The following DTNBP1 variants were observed in gnomAD, a reference collection of about 807,000 sequenced individuals.
The protein encoded by DTNBP1 is dysbindin.
A neutral mutation model predicts 42.8 loss-of-function variants in DTNBP1; 35 were observed. The ratio of observed to expected loss-of-function variants is 0.82; its 90% confidence interval spans 0.63 to 1.09. The LOEUF is 1.09. Ranked by LOEUF, DTNBP1 falls within the 50% of genes least tolerant of loss-of-function variation. The pLI is 0.00. For missense variants in DTNBP1, 457 were observed against 424.2 expected (o/e 1.08, Z -0.68); for synonymous variants, 171 against 162.2 (o/e 1.05, Z -0.41).
At chr6:15,577,735 C>G (rs1775642625) in intron 7 of DTNBP1, among the ~76,000 whole-genome samples, 1 of 152,032 alleles carries the variant, frequency 6.6e-6, no homozygotes, top group Admixed American at 6.6e-5. Flanking sequence ...AGGGGTGAGG[C>G]CAGGATTGGA....
intron 7 of DTNBP1, among the ~76,000 whole-genome samples, chr6:15,562,937 A>G (rs532246301): frequency 6.6e-6 from 1 of 152,308 alleles, no homozygotes; most frequent in East Asian, 1.9e-4. Flanking sequence ...ATTTTTCTAG[A>G]AAGCAAATCT....
At chr6:15,575,754 G>A (rs574937978) in intron 7 of DTNBP1, among the ~76,000 whole-genome samples, 12 of 152,332 alleles carry the variant, frequency 7.9e-5, no homozygotes, top group African/African-American at 2.6e-4. Flanking sequence ...TTAATAGGAT[G>A]AATAGATGTG....
At chr6:15,523,764 T>G (rs1163360846) in intron 9 of DTNBP1, 1 of 1,287,222 alleles carries the variant, frequency 7.8e-7, no homozygotes, top group South Asian at 1.2e-5. Context: ...TATTCTGGCC[T>G]TCTCAGGATG....
Position 15,531,822 on chromosome 6 carries a change from C to T in DTNBP1, c.667+1418G>A, listed in dbSNP as rs372700004. On this transcript the variant is annotated intron_variant, in intron 8 of 9. Transcript: ENST00000344537. ...CTAATTTTTGTATTTTCAGTAGAGACGAGGTTTCACCATGTTGGCCAGGAT... is the reference window on the plus strand; with the variant it reads ...CTAATTTTTGTATTTTCAGTAGAGATGAGGTTTCACCATGTTGGCCAGGAT... 5.9e-5 allele frequency among the ~76,000 whole-genome samples: 9 copies of T among 152,152 alleles called. No homozygotes were observed. The South Asian group carries it at 6.2e-4, about 11-fold the overall frequency.
At chr6:15,533,491 G>A (rs1005528477) in intron 7 of DTNBP1, 96 bp from the exon 8 acceptor site, 1 of 1,578,792 alleles carries the variant, frequency 6.3e-7, no homozygotes, top group Non-Finnish European at 8.7e-7. Flanking sequence ...CAAGTGGATG[G>A]AGTCATGCCG....
chr6:15,638,001 C>T (rs189433174), intron 3 of DTNBP1, among the ~76,000 whole-genome samples, 197 bp from the exon 4 acceptor site: 12 of 152,226 alleles, frequency 7.9e-5, no homozygotes, highest in African/African-American at 2.9e-4. Flanking sequence ...CAACAAAATA[C>T]ATAATGGTAG....
chr6:15,642,622 A>T (rs1178616965), intron 3 of DTNBP1, among the ~76,000 whole-genome samples: 1 of 152,220 alleles, frequency 6.6e-6, no homozygotes, highest in East Asian at 1.9e-4. Flanking sequence ...GCTCCACAGG[A>T]GACAAGGTGT....
At chr6:15,542,840 C>G (rs1773656891) in intron 7 of DTNBP1, among the ~76,000 whole-genome samples, 1 of 152,000 alleles carries the variant, frequency 6.6e-6, no homozygotes, top group Admixed American at 6.6e-5. Flanking sequence ...GCTAAGACTA[C>G]AGATGTGCAC....
intron 8 of DTNBP1, among the ~76,000 whole-genome samples, chr6:15,528,387 C>A (rs1205428521): frequency 6.6e-6 from 1 of 152,084 alleles, no homozygotes; most frequent in African/African-American, 2.4e-5. Context: ...ACCCTTACCA[C>A]CCCAGGCACG....
At chr6:15,624,028 A>T (rs1481196533) in intron 5 of DTNBP1, among the ~76,000 whole-genome samples, 2 of 152,364 alleles carry the variant, frequency 1.3e-5, no homozygotes, top group Non-Finnish European at 2.9e-5. Flanking sequence ...GAACGTCAGC[A>T]TCTTGATGGC....
At chr6:15,593,866 A>C (rs1382232101) in intron 6 of DTNBP1, among the ~76,000 whole-genome samples, 1 of 152,180 alleles carries the variant, frequency 6.6e-6, no homozygotes, top group African/African-American at 2.4e-5. Flanking sequence ...TTTATTTTGT[A>C]CTTGCAGTCC....
chr6:15,611,791 C>T (rs577501272), intron 6 of DTNBP1, among the ~76,000 whole-genome samples: 3 of 152,266 alleles, frequency 2.0e-5, no homozygotes, highest in South Asian at 2.1e-4. Flanking sequence ...CCTGAAGATA[C>T]GATTGAATTA....
chr6:15,612,807 C>G (rs1758486902), intron 6 of DTNBP1, among the ~76,000 whole-genome samples: 1 of 152,242 alleles, frequency 6.6e-6, no homozygotes, highest in African/African-American at 2.4e-5. Context: ...TACCATGTTC[C>G]TTGAAACTCT....
intron 7 of DTNBP1, among the ~76,000 whole-genome samples, chr6:15,578,889 G>A (rs1266155558): frequency 1.3e-5 from 2 of 152,158 alleles, no homozygotes; most frequent in African/African-American, 4.8e-5. Context: ...TTATCAAAAA[G>A]ACAAAGGGTA....
intron 3 of DTNBP1, among the ~76,000 whole-genome samples, chr6:15,649,311 A>G (rs1760856526): frequency 6.6e-6 from 1 of 152,220 alleles, no homozygotes; most frequent in Non-Finnish European, 1.5e-5. Flanking sequence ...ACATACTTAC[A>G]ATAGAATATT....
At chr6:15,585,857 G>A in intron 7 of DTNBP1, 3 of 1,455,222 alleles carry the variant, frequency 2.1e-6, no homozygotes, top group Admixed American at 4.6e-5. Context: ...CTTCTGGGAT[G>A]TAGAACAAAG....
intron 6 of DTNBP1, among the ~76,000 whole-genome samples, chr6:15,610,991 A>G (rs971688395): frequency 6.6e-6 from 1 of 152,260 alleles, no homozygotes; most frequent in Non-Finnish European, 1.5e-5. Flanking sequence ...TATGCTAAAC[A>G]GCAGATTGTC....
chr6:15,628,546 C>T (rs1344223274), intron 4 of DTNBP1, among the ~76,000 whole-genome samples: 1 of 151,824 alleles, frequency 6.6e-6, no homozygotes, highest in Non-Finnish European at 1.5e-5. Context: ...GTTGGGACTA[C>T]AGGCACCTAC....
chr6:15,636,839 G>GTGT (rs1169072037), intron 4 of DTNBP1, among the ~76,000 whole-genome samples: 2 of 151,942 alleles, frequency 1.3e-5, no homozygotes, highest in Non-Finnish European at 2.9e-5. Flanking sequence ...CTGTTTTGTT[G>GTGT]TGTTGTTGTT....
Sources: gnomAD v4.1 joint callset for allele counts (sites outside exome capture counted in the v4.1 genomes callset) on GRCh38, gnomAD v4.1.1 for gene constraint, MANE v1.5 for transcripts, NCBI Gene and HGNC (gene_info 2026-07-23, HGNC 2026-07-21) for gene names.